The following ADARB1 variants were observed in gnomAD, a reference collection of about 807,000 sequenced individuals.
The protein encoded by ADARB1 is double-stranded RNA-specific editase 1.
In ADARB1, 10 loss-of-function variants were observed where a neutral mutation model predicts 52.4. That is an observed-to-expected ratio of 0.19 (90% CI 0.12 to 0.32). ADARB1 has a LOEUF of 0.32. Among genes scored for constraint, ADARB1 ranks in the 10% least tolerant of loss-of-function variants. ADARB1 has a pLI of 1.00. For synonymous variants in ADARB1, 349 were observed against 371.1 expected, an observed-to-expected ratio of 0.94 and a Z score of 0.68; for missense variants, 643 against 922.3, an observed-to-expected ratio of 0.70 and a Z score of 3.92.
At position 45,208,729 on chromosome 21, in the gene ADARB1, A is replaced by AGTGT. The variant is rs369586520; in HGVS notation, c.1747+4006_1747+4009dup. ...GCTCACATGAGTGTATGAGAGAGAG[A>AGTGT]GTGTGTGTGTGTGTGTATGCGTATT... On this transcript the variant is annotated intron_variant, in intron 9 of 10. Coordinates refer to ENST00000348831, the MANE Select transcript of ADARB1 (RefSeq NM_001112.4). The surrounding 1 kb of genome is among the most constrained non-coding windows in gnomAD (Gnocchi z 5.6). 1.3e-5 allele frequency among the ~76,000 whole-genome samples: 2 copies of AGTGT among 149,532 alleles called. No individual in the cohort carries two copies. The highest frequency in any genetic ancestry group is 3.9e-4 in the East Asian group (2 of 5,104).
In ADARB1 at chr21:45,125,436, T is replaced by A. The variant is rs183371927; in HGVS notation, c.-219-2966T>A. Among the ~76,000 whole-genome samples, 476 of 152,362 alleles carry A rather than the reference T, an allele frequency of 3.1e-3. 3 individuals carry two copies. Among genetic ancestry groups the A allele is most frequent in the Middle Eastern group, 0.014 (4 of 294 alleles). On this transcript the variant is annotated intron_variant, in intron 1 of 10. Coordinates refer to ENST00000348831, the MANE Select transcript of ADARB1 (RefSeq NM_001112.4). ...GGCTGACTAGACATCCTTCTCTGCA[T>A]GTAGCCCCTGTGATCTCTTCAGAGC...
At chr21:45,122,718 G>T (rs116581828) in intron 1 of ADARB1, among the ~76,000 whole-genome samples, 1 of 152,088 alleles carries the variant, frequency 6.6e-6, no homozygotes. Context: ...CACCAGTTTC[G>T]CAGGATGGCT....
intron 1 of ADARB1, among the ~76,000 whole-genome samples, chr21:45,121,970 A>G (rs535518865): frequency 2.0e-5 from 3 of 152,198 alleles, no homozygotes; most frequent in South Asian, 2.1e-4. Context: ...AAGCACTTCA[A>G]ATGGCAGCTA....
chr21:45,134,628 A>T, intron 2 of ADARB1: 1 of 404,258 alleles, frequency 2.5e-6, no homozygotes, highest in Admixed American at 2.9e-5. Flanking sequence ...TACATGAAGA[A>T]TCCTACAGAT....
Position 45,182,612 on chromosome 21 carries a change from T to C in ADARB1, c.1106T>C (p.Ile369Thr). Residue 369 changes from isoleucine (I) to threonine (T), a missense_variant, in exon 6 of 11, where the codon ATA becomes ACA. Ile to Thr is a moderately conservative substitution (Grantham distance 89). Transcript: ENST00000348831. ...ACAGATGTTAAAGATGCCAAGGTGA[T>C]AAGTGTTTCTACAGGAACAAAATGT... ...TGTDVKDAKVISVSTGTKCIN... is the reference protein window; with the variant it reads ...TGTDVKDAKVTSVSTGTKCIN... The C allele has an allele frequency of 6.3e-7, 1 of 1,599,898 alleles. No homozygotes were observed. Among genetic ancestry groups the C allele is most frequent in the Non-Finnish European group, 8.5e-7 (1 of 1,176,342 alleles).
rs999668690 is a variant in ADARB1, at chr21:45,204,439, G to A, written c.1566-116G>A. 8.8e-5 allele frequency: 87 copies of A among 992,136 alleles called. No individual in the cohort carries two copies. The African/African-American group carries it at 1.3e-3, about 15-fold the overall frequency. 61.5% of individuals were successfully genotyped at this position (992,136 alleles called of 1,614,324 possible). On this transcript the variant is annotated intron_variant, in intron 8 of 10. Transcript: ENST00000348831. This position sits in a 1 kb window ranked among gnomAD's most constrained non-coding sequence, Gnocchi z 4.4. The stretch of plus-strand genomic sequence containing the variant: ...AACTTTTTGTTGCACTCCTTCGTCA[G>A]TTGGTTGGGATCCTGCGGAATTGCC...
At position 45,176,246 on chromosome 21, in the gene ADARB1, C is replaced by G; in HGVS notation, c.545C>G (p.Thr182Ser). The change falls in exon 4 of 11, where the codon ACT becomes AGT. Residue 182 changes from threonine (T) to serine (S), a missense_variant. Physicochemically the swap from Thr to Ser is moderately conservative, Grantham distance 58. This residue lies in a region of ADARB1 where 380 missense variants were observed against 446.5 expected (regional missense o/e 0.85). Transcript: ENST00000348831. The surrounding 1 kb of genome is among the most constrained non-coding windows in gnomAD (Gnocchi z 5.8). Reference protein sequence around the residue: ...FPDTLFNGFETPDKAEPPFYV... With the variant: ...FPDTLFNGFESPDKAEPPFYV... ...GACACGCTCTTCAATGGTTTTGAAACTCCTGACAAGGCGGAGCCTCCCTTT... is the reference window on the plus strand; with the variant it reads ...GACACGCTCTTCAATGGTTTTGAAAGTCCTGACAAGGCGGAGCCTCCCTTT... The G allele has an allele frequency of 6.2e-7, 1 of 1,614,250 alleles. No individual in the cohort carries two copies. Among genetic ancestry groups the G allele is most frequent in the South Asian group, 1.1e-5 (1 of 91,088 alleles).
intron 2 of ADARB1, among the ~76,000 whole-genome samples, chr21:45,158,342 G>A (rs2090775708): frequency 6.6e-6 from 1 of 152,140 alleles, no homozygotes; most frequent in South Asian, 2.1e-4. Context: ...ATCTGAAGAG[G>A]GTATCAGTGT....
Position 45,224,947 on chromosome 21 carries a change from A to G in ADARB1, c.*2750A>G. 1.0e-6 allele frequency: 1 copy of G among 985,506 alleles called. No individual in the cohort carries two copies. Among genetic ancestry groups the G allele is most frequent in the Non-Finnish European group, 1.2e-6 (1 of 829,928 alleles). 61.0% of individuals were successfully genotyped at this position (985,506 alleles called of 1,614,324 possible). ...TTCATTGACGTGTCACTCTCCATCC[A>G]GTGTCCTTGATGTGGCTTTTAGAGA... On this transcript the variant is annotated 3_prime_UTR_variant, in exon 11 of 11. Coordinates refer to ENST00000348831, the MANE Select transcript of ADARB1 (RefSeq NM_001112.4).
intron 2 of ADARB1, among the ~76,000 whole-genome samples, chr21:45,154,658 G>C (rs372549): frequency 0.84 from 127,574 of 152,204 alleles, 53,940 homozygotes; most frequent in South Asian, 0.92. Context: ...TGCAGTTACT[G>C]CCTTCCACAG....
intron 1 of ADARB1, among the ~76,000 whole-genome samples, chr21:45,125,445 T>A (rs937875900): frequency 1.3e-5 from 2 of 152,254 alleles, no homozygotes; most frequent in African/African-American, 2.4e-5. Flanking sequence ...ATGTAGCCCC[T>A]GTGATCTCTT....
intron 8 of ADARB1, among the ~76,000 whole-genome samples, chr21:45,194,236 G>C (rs879792966): frequency 6.6e-6 from 1 of 152,112 alleles, no homozygotes; most frequent in Non-Finnish European, 1.5e-5. Flanking sequence ...CCCATCATCA[G>C]CATCTCCCAC....
chr21:45,154,463 C>G (rs1299395950), intron 2 of ADARB1, among the ~76,000 whole-genome samples: 1 of 152,190 alleles, frequency 6.6e-6, no homozygotes, highest in Non-Finnish European at 1.5e-5. Context: ...GTCTTTTATA[C>G]TGTATATTTC....
chr21:45,103,476 G>A (rs2087114776), intron 1 of ADARB1, among the ~76,000 whole-genome samples: 1 of 151,780 alleles, frequency 6.6e-6, no homozygotes, highest in South Asian at 2.1e-4. Flanking sequence ...GGTCCCATCG[G>A]GGGTAAGGGG....
chr21:45,173,533 A>G (rs28655836), intron 3 of ADARB1, among the ~76,000 whole-genome samples: 3,375 of 152,204 alleles, frequency 0.022, 97 homozygotes, highest in African/African-American at 0.062. Flanking sequence ...AATTATTTTT[A>G]TTTCTGAAAG....
chr21:45,134,569 C>G (rs961827744), intron 2 of ADARB1: 2 of 366,902 alleles, frequency 5.5e-6, no homozygotes, highest in Non-Finnish European at 1.1e-5. Flanking sequence ...GTGCGCCCAG[C>G]AGAGGCATAT....
intron 3 of ADARB1, among the ~76,000 whole-genome samples, chr21:45,174,690 CATA>C (rs2091620955): frequency 7.5e-6 from 1 of 134,102 alleles, no homozygotes; most frequent in Non-Finnish European, 1.6e-5. Context: ...AAAATACATA[CATA>C]CATACATACA....
chr21:45,140,916 TGTG>T (rs1020388625), intron 2 of ADARB1, among the ~76,000 whole-genome samples: 3 of 152,146 alleles, frequency 2.0e-5, no homozygotes, highest in Non-Finnish European at 4.4e-5. Flanking sequence ...TGTGGCCAGG[TGTG>T]GTGCTCAAGC....
intron 9 of ADARB1, among the ~76,000 whole-genome samples, chr21:45,215,098 A>C (rs912008385): frequency 6.6e-6 from 1 of 152,266 alleles, no homozygotes; most frequent in South Asian, 2.1e-4. Context: ...CCCAGGCTGG[A>C]GTGCAGTAAC....
Sources: allele counts gnomAD v4.1 joint callset (sites outside exome capture counted in the v4.1 genomes callset), GRCh38; gene constraint gnomAD v4.1.1; regional missense constraint gnomAD v4.1.1; non-coding constraint Gnocchi (gnomAD v3.1); transcripts MANE v1.5; gene names NCBI Gene and HGNC (gene_info 2026-07-23, HGNC 2026-07-21).